The following CFAP251 variants were observed in gnomAD, a reference collection of about 807,000 sequenced individuals.
The protein encoded by CFAP251 is cilia and flagella associated protein 251, also known as cilia- and flagella-associated protein 251.
Under a neutral mutation model 126.7 loss-of-function variants are expected in CFAP251, and 93 were observed. The observed-to-expected ratio is 0.73, with a 90% confidence interval of 0.62 to 0.87. The LOEUF (loss-of-function observed/expected upper bound fraction) is 0.87, where lower values mean the gene tolerates loss of function less well. CFAP251 is among the 40% of genes least tolerant of loss of function. CFAP251 has a pLI of 0.00. For missense variants in CFAP251, 1,287 were observed against 1,389.2 expected (o/e 0.93, Z 1.17); for synonymous variants, 503 against 506.9 (o/e 0.99, Z 0.10).
chr12:121,993,024 CG>C (rs1882914155), intron 19 of CFAP251, among the ~76,000 whole-genome samples: 1 of 145,188 alleles, frequency 6.9e-6, no homozygotes, highest in African/African-American at 2.6e-5. Context: ...CCCTCTCATG[CG>C]GAGCCGAAGC....
At chr12:121,993,589 C>A (rs1405515863) in intron 19 of CFAP251, among the ~76,000 whole-genome samples, 1 of 136,116 alleles carries the variant, frequency 7.3e-6, no homozygotes, top group Non-Finnish European at 1.6e-5. Context: ...CGCCCATCGT[C>A]TGAGATGTGG....
chr12:121,934,151 C>T lies in CFAP251; in HGVS notation c.889-96C>T. 7.8e-6 allele frequency: 7 copies of T among 900,248 alleles called. No individual in the cohort carries two copies. The South Asian group carries it at 1.2e-4, about 15-fold the overall frequency. 55.8% of individuals were successfully genotyped at this position (900,248 alleles called of 1,614,324 possible). A position where few individuals can be genotyped will look rare whatever the true frequency, so the allele number is the denominator to read the frequency against. On this transcript the variant is annotated intron_variant, in intron 4 of 21. Transcript: ENST00000288912. Reference sequence around the variant, plus strand: ...CCAGCCAGATGAGCGTTGAAAGGAGCTCAGATCTTTCTGTGGGTCCCCGGC... The same window carrying T: ...CCAGCCAGATGAGCGTTGAAAGGAGTTCAGATCTTTCTGTGGGTCCCCGGC...
intron 20 of CFAP251, 54 bp from the exon 21 acceptor site, chr12:122,001,443 A>C (rs1241748871): frequency 7.3e-7 from 1 of 1,363,946 alleles, no homozygotes; most frequent in African/African-American, 1.4e-5. Flanking sequence ...AAGCCCTGAC[A>C]GTATGCTTAG....
intron 19 of CFAP251, among the ~76,000 whole-genome samples, chr12:121,990,078 A>G (rs567971243): frequency 1.3e-5 from 2 of 152,246 alleles, no homozygotes; most frequent in South Asian, 4.1e-4. Flanking sequence ...TGTATGTCTA[A>G]ATGTTTAAAA....
At chr12:121,924,118 G>GTTT in intron 3 of CFAP251, 128 bp downstream of exon 3, 15 of 1,047,418 alleles carry the variant, frequency 1.4e-5, no homozygotes, top group East Asian at 2.8e-5. Flanking sequence ...ATAGACTTGT[G>GTTT]TTTTTTTTTT....
chr12:121,943,733 G>A (rs1300961397), intron 7 of CFAP251, among the ~76,000 whole-genome samples: 1 of 152,088 alleles, frequency 6.6e-6, no homozygotes, highest in Non-Finnish European at 1.5e-5. Context: ...CCTCAGTAGA[G>A]CTTTTAAAAC....
intron 7 of CFAP251, chr12:121,947,720 C>T (rs1881371662): frequency 1.3e-5 from 2 of 152,194 alleles, no homozygotes; most frequent in African/African-American, 4.8e-5. Flanking sequence ...TCCTTAAAGG[C>T]ACTTAGCAGA....
intron 19 of CFAP251, among the ~76,000 whole-genome samples, chr12:121,979,862 G>A (rs976400933): frequency 1.3e-5 from 2 of 152,016 alleles, no homozygotes; most frequent in Non-Finnish European, 2.9e-5. Flanking sequence ...CACCGTGCCC[G>A]GCCTCAGCCT....
At chr12:121,967,641 G>T (rs1417028326) in intron 16 of CFAP251, among the ~76,000 whole-genome samples, 2 of 152,222 alleles carry the variant, frequency 1.3e-5, no homozygotes, top group African/African-American at 4.8e-5. Flanking sequence ...GGCGGAGTTT[G>T]CAGTAAGCCG....
intron 5 of CFAP251, among the ~76,000 whole-genome samples, chr12:121,935,890 C>T (rs533254726): frequency 6.6e-6 from 1 of 152,276 alleles, no homozygotes; most frequent in Non-Finnish European, 1.5e-5. Flanking sequence ...AATGGAGAGT[C>T]TCTCTGGTAT....
At chr12:121,966,156 CCCCT>C (rs1882117002) in intron 15 of CFAP251, among the ~76,000 whole-genome samples, 1 of 28,134 alleles carries the variant, frequency 3.6e-5, no homozygotes, top group African/African-American at 1.2e-4. Flanking sequence ...TCCCTCCCCT[CCCCT>C]CCCCTCCCCT....
At chr12:121,988,819 T>A (rs1882811102) in intron 19 of CFAP251, among the ~76,000 whole-genome samples, 1 of 150,838 alleles carries the variant, frequency 6.6e-6, no homozygotes, top group African/African-American at 2.4e-5. Flanking sequence ...CACTGCAGCC[T>A]CTGCCTCCCA....
At chr12:121,923,345 C>T (rs1004839306) in intron 2 of CFAP251, among the ~76,000 whole-genome samples, 11 of 152,064 alleles carry the variant, frequency 7.2e-5, no homozygotes, top group Admixed American at 3.3e-4. Context: ...TTTTGGTAGA[C>T]ATAAGGTGGC....
At chr12:121,985,123 C>CAT (rs1331116983) in intron 19 of CFAP251, among the ~76,000 whole-genome samples, 1 of 152,144 alleles carries the variant, frequency 6.6e-6, no homozygotes, top group Non-Finnish European at 1.5e-5. Flanking sequence ...TTGGGCATAG[C>CAT]TTAGGAGCAT....
rs931761505 is a variant in CFAP251, at chr12:121,957,071, C to T, written c.1536-3C>T. On this transcript the variant is annotated splice_region_variant and splice_polypyrimidine_tract_variant and intron_variant, in intron 10 of 21. Transcript: ENST00000288912. The stretch of plus-strand genomic sequence containing the variant: ...GCAAAACTGATGTTATTCTCCATTT[C>T]AGCTACATTGTCACAGGTGACATTA... 1.9e-6 allele frequency: 3 copies of T among 1,576,232 alleles called. No homozygotes were observed. The highest frequency in any genetic ancestry group is 2.6e-6 in the Non-Finnish European group (3 of 1,161,826).
intron 19 of CFAP251, among the ~76,000 whole-genome samples, chr12:121,977,069 T>C (rs966703197): frequency 6.6e-6 from 1 of 152,222 alleles, no homozygotes; most frequent in Admixed American, 6.5e-5. Context: ...AACATCGTTA[T>C]TGTGTGAACA....
intron 19 of CFAP251, among the ~76,000 whole-genome samples, chr12:121,983,030 A>T (rs1258665277): frequency 6.6e-6 from 1 of 152,152 alleles, no homozygotes; most frequent in Admixed American, 6.5e-5. Flanking sequence ...CTAGGAGTTC[A>T]AGACCAGTCT....
intron 17 of CFAP251, chr12:121,969,159 C>T: frequency 1.0e-6 from 1 of 985,438 alleles, no homozygotes; most frequent in Non-Finnish European, 1.2e-6. Context: ...CACAGTGTAC[C>T]CCCTGCCATC....
intron 19 of CFAP251, among the ~76,000 whole-genome samples, chr12:121,994,759 GCATGCTCGTTAAGAGTCAT>G (rs1228388046): frequency 2.8e-5 from 3 of 106,244 alleles, no homozygotes; most frequent in Non-Finnish European, 5.7e-5. Context: ...CTTGAAGGCA[GCATGCTCGTTAAGAGTCAT>G]CACCAATCCC....
Sources: gnomAD v4.1 joint callset for allele counts (sites outside exome capture counted in the v4.1 genomes callset) on GRCh38, gnomAD v4.1.1 for gene constraint, MANE v1.5 for transcripts, NCBI Gene and HGNC (gene_info 2026-07-23, HGNC 2026-07-21) for gene names.